The following ITPKC variants were observed in gnomAD, a reference collection of about 807,000 sequenced individuals.
ITPKC encodes the protein inositol-trisphosphate 3-kinase C.
In ITPKC, 33 loss-of-function variants were observed where a neutral mutation model predicts 67.1. The ratio of observed to expected loss-of-function variants is 0.49; its 90% CI spans 0.37 to 0.66. The LOEUF is 0.66. Among genes scored for constraint, ITPKC ranks in the 30% least tolerant of loss-of-function variants. The pLI is 0.00. For synonymous variants in ITPKC, 341 were observed against 359.8 expected (o/e 0.95, Z 0.59); for missense variants, 820 against 892.1 (o/e 0.92, Z 1.03).
chr19:40,717,862 G>A lies in ITPKC; in HGVS notation c.727G>A (p.Glu243Lys), dbSNP rs761178236. Reference protein sequence around the residue: ...TQQDIEGPWTEPYTDGSQKKQ... With the variant: ...TQQDIEGPWTKPYTDGSQKKQ... ...ACAGGATATTGAAGGTCCCTGGACA[G>A]AGCCATATACTGATGGCTCCCAGAA... Residue 243 changes from glutamate (E) to lysine (K), a missense_variant, in exon 1 of 7, where the codon GAG (glutamate) becomes AAG (lysine). Coordinates refer to ENST00000263370, the MANE Select transcript of ITPKC (RefSeq NM_025194.3). 16 of 1,614,154 alleles carry A rather than the reference G, an allele frequency of 9.9e-6. 1 individual carries two copies. Among genetic ancestry groups the A allele is most frequent in the Admixed American group, 1.7e-5 (1 of 60,022 alleles).
At chr19:40,728,885 G>A (rs2082257778) in intron 2 of ITPKC, among the ~76,000 whole-genome samples, 1 of 151,992 alleles carries the variant, frequency 6.6e-6, no homozygotes, top group Admixed American at 6.6e-5. Context: ...AAAATTAGCT[G>A]GGCTTGGTGG....
chr19:40,721,998 C>A (rs2144734716), intron 1 of ITPKC, among the ~76,000 whole-genome samples: 1 of 111,686 alleles, frequency 9.0e-6, no homozygotes, highest in South Asian at 3.5e-4. Context: ...GAGATCCTGT[C>A]TCAAAAAAAA....
In ITPKC at chr19:40,718,121, G is replaced by C; in HGVS notation, c.986G>C (p.Arg329Pro). Residue 329 changes from arginine (R) to proline (P), a missense_variant, in exon 1 of 7, where the codon CGC becomes CCC. Transcript: ENST00000263370. The stretch of plus-strand genomic sequence containing the variant: ...TGTAGCCCCCTGTGCCCTGTGCCCC[G>C]CCTCATCATTACCCCTGAGACCCCT... ...LKCSPLCPVP[R>P]LIITPETPEP... 6.2e-7 allele frequency: 1 copy of C among 1,611,780 alleles called. No homozygotes were observed.
chr19:40,730,646 T>C (rs1424855473), intron 3 of ITPKC, among the ~76,000 whole-genome samples: 1 of 152,052 alleles, frequency 6.6e-6, no homozygotes, highest in Non-Finnish European at 1.5e-5. Flanking sequence ...CCCAGGCTGG[T>C]CTTGAACCCC....
chr19:40,726,316 A>G (rs542148018), intron 2 of ITPKC, among the ~76,000 whole-genome samples: 220 of 152,296 alleles, frequency 1.4e-3, no homozygotes, highest in Admixed American at 2.6e-3. Context: ...GCGTGTTCAG[A>G]GCATAGCAGG....
chr19:40,730,347 A>G (rs2082265100), intron 3 of ITPKC, among the ~76,000 whole-genome samples: 1 of 152,174 alleles, frequency 6.6e-6, no homozygotes, highest in Admixed American at 6.5e-5. Context: ...ACACACACAC[A>G]GACACACACA....
chr19:40,737,115 G>A (rs1353373830), intron 5 of ITPKC, 28 bp downstream of exon 5: 3 of 1,396,528 alleles, frequency 2.1e-6, no homozygotes, highest in Non-Finnish European at 3.0e-6. Flanking sequence ...GTCCCAGAAT[G>A]TAGCAGCTTA....
At chr19:40,726,310 G>A (rs923155391) in intron 2 of ITPKC, among the ~76,000 whole-genome samples, 1 of 152,056 alleles carries the variant, frequency 6.6e-6, no homozygotes, top group Non-Finnish European at 1.5e-5. Context: ...TTCTCCGCGT[G>A]TTCAGAGCAT....
intron 1 of ITPKC, among the ~76,000 whole-genome samples, chr19:40,721,893 C>T (rs973783023): frequency 1.3e-5 from 2 of 151,414 alleles, no homozygotes; most frequent in African/African-American, 2.4e-5. Flanking sequence ...TCCAGCTATT[C>T]GGGAGGCTAA....
intron 1 of ITPKC, among the ~76,000 whole-genome samples, chr19:40,718,536 A>G (rs2082204740): frequency 6.6e-6 from 1 of 151,924 alleles, no homozygotes; most frequent in South Asian, 2.1e-4. Flanking sequence ...TCTACAATGG[A>G]GGGCCACTGA....
intron 1 of ITPKC, 109 bp from the exon 2 acceptor site, chr19:40,725,231 T>C: frequency 1.5e-6 from 1 of 689,210 alleles, no homozygotes; most frequent in Non-Finnish European, 2.6e-6. Context: ...AGGAAGCCCC[T>C]GGCCCTGGAA....
chr19:40,737,943 G>T (rs547431441), intron 6 of ITPKC, among the ~76,000 whole-genome samples, 174 bp downstream of exon 6: 1 of 150,636 alleles, frequency 6.6e-6, no homozygotes, highest in African/African-American at 2.4e-5. Context: ...TGGAGCCCAG[G>T]AGTGCCAAGA....
At position 40,717,498 on chromosome 19, in the gene ITPKC, G is replaced by A. The variant is rs777353962; in HGVS notation, c.363G>A (p.Arg121=). ...QKTEPDRSSL[R]THLEWSWSEL... is the part of the protein sequence containing the mutation. ...CGGAGCCAGACAGGTCCAGCCTCCGGACGCATCTAGAATGGAGCTGGTCAG... is the reference window on the plus strand; with the variant it reads ...CGGAGCCAGACAGGTCCAGCCTCCGAACGCATCTAGAATGGAGCTGGTCAG... Residue 121 remains arginine, a synonymous_variant, in exon 1 of 7, where the codon CGG becomes CGA. Transcript: ENST00000263370. 1.2e-6 allele frequency: 2 copies of A among 1,614,036 alleles called. No individual in the cohort carries two copies. The highest frequency in any genetic ancestry group is 2.7e-5 in the African/African-American group (2 of 74,932).
chr19:40,720,283 C>T (rs1291744360), intron 1 of ITPKC, among the ~76,000 whole-genome samples: 1 of 151,224 alleles, frequency 6.6e-6, no homozygotes, highest in African/African-American at 2.4e-5. Flanking sequence ...AGGAGAATCG[C>T]TTGAATGTGG....
chr19:40,735,149 C>A (rs1188040870), intron 4 of ITPKC, among the ~76,000 whole-genome samples: 1 of 152,066 alleles, frequency 6.6e-6, no homozygotes, highest in African/African-American at 2.4e-5. Context: ...GAACTCCTGG[C>A]CTCAAGTGAT....
intron 1 of ITPKC, 112 bp downstream of exon 1, chr19:40,718,402 C>A: frequency 1.5e-6 from 2 of 1,371,530 alleles, no homozygotes; most frequent in Non-Finnish European, 1.9e-6. Context: ...CCAGCAATTT[C>A]ATCTCCGGGA....
rs778278782 is a variant in ITPKC, at chr19:40,739,594, G to A, written c.*34G>A. ...GCCACCATCAGGTTAATTGGATGGCGCCAGTCTGGCTGGAGGAGCCCTGAG... is the reference window on the plus strand; with the variant it reads ...GCCACCATCAGGTTAATTGGATGGCACCAGTCTGGCTGGAGGAGCCCTGAG... On this transcript the variant is annotated 3_prime_UTR_variant, in exon 7 of 7. Transcript: ENST00000263370. 110 of 1,579,304 alleles carry A rather than the reference G, an allele frequency of 7.0e-5. No individual in the cohort carries two copies. Among genetic ancestry groups the A allele is most frequent in the Middle Eastern group, 1.7e-4 (1 of 5,892 alleles).
chr19:40,732,795 C>T (rs1000684885), intron 3 of ITPKC, among the ~76,000 whole-genome samples: 1 of 152,152 alleles, frequency 6.6e-6, no homozygotes, highest in Non-Finnish European at 1.5e-5. Flanking sequence ...TTTCCTACTC[C>T]AAGATCATGC....
chr19:40,729,303 G>C lies in ITPKC; in HGVS notation c.1357G>C (p.Val453Leu). The change falls in exon 3 of 7, where the codon GTG becomes CTG. Residue 453 changes from valine (V) to leucine (L), a missense_variant. Val to Leu is a conservative substitution (Grantham distance 32). Coordinates refer to ENST00000263370, the MANE Select transcript of ITPKC (RefSeq NM_025194.3). ...GATGAAAGACCCGCTGCGACCTTTC[G>C]TGCCTGCCTACTATGGCATGGTGCT... Reference protein sequence around the residue: ...QLMKDPLRPFVPAYYGMVLQD... With the variant: ...QLMKDPLRPFLPAYYGMVLQD... 6.2e-7 allele frequency: 1 copy of C among 1,614,136 alleles called. No individual in the cohort carries two copies. Among genetic ancestry groups the C allele is most frequent in the Non-Finnish European group, 8.5e-7 (1 of 1,180,022 alleles).
Sources: allele counts gnomAD v4.1 joint callset (sites outside exome capture counted in the v4.1 genomes callset), GRCh38; gene constraint gnomAD v4.1.1; transcripts MANE v1.5; gene names NCBI Gene and HGNC (gene_info 2026-07-23, HGNC 2026-07-21).